The following FAM178B variants were observed in gnomAD, a reference collection of about 807,000 sequenced individuals.
FAM178B encodes the protein protein FAM178B.
In FAM178B, 82 loss-of-function variants were observed where a neutral mutation model predicts 91.7. The observed-to-expected ratio is 0.89, with a 90% CI of 0.75 to 1.07. The LOEUF is 1.07. Ranked by LOEUF, FAM178B falls within the 50% of genes least tolerant of loss-of-function variation. FAM178B has a pLI of 0.00. For synonymous variants in FAM178B, 368 were observed against 359.4 expected (o/e 1.02, Z -0.27); for missense variants, 769 against 846.7 (o/e 0.91, Z 1.14).
intron 12 of FAM178B, among the ~76,000 whole-genome samples, chr2:96,909,533 G>C (rs1211005836): frequency 6.6e-6 from 1 of 152,132 alleles, no homozygotes; most frequent in Non-Finnish European, 1.5e-5. Flanking sequence ...TTGCCATTTT[G>C]GTTTGGGTCC....
chr2:96,974,860 C>T (rs868075780), intron 1 of FAM178B, among the ~76,000 whole-genome samples: 2 of 151,828 alleles, frequency 1.3e-5, no homozygotes, highest in Non-Finnish European at 2.9e-5. Flanking sequence ...GAGGCCGAGG[C>T]GGGCGTTATC....
At chr2:96,930,974 A>C (rs768468176) in intron 8 of FAM178B, among the ~76,000 whole-genome samples, 1 of 152,154 alleles carries the variant, frequency 6.6e-6, no homozygotes, top group Non-Finnish European at 1.5e-5. Context: ...TTGATCTTGG[A>C]CTTCCCAGCC....
intron 8 of FAM178B, among the ~76,000 whole-genome samples, chr2:96,940,424 G>T (rs1267276843): frequency 6.6e-6 from 1 of 152,220 alleles, no homozygotes; most frequent in African/African-American, 2.4e-5. Flanking sequence ...AAGAGAGGCA[G>T]ATCGGGTGGG....
intron 14 of FAM178B, among the ~76,000 whole-genome samples, chr2:96,880,837 G>A (rs911248060): frequency 5.3e-5 from 8 of 152,082 alleles, no homozygotes; most frequent in Non-Finnish European, 1.2e-4. Flanking sequence ...CTTGTGATCC[G>A]CCCGCCTCGG....
chr2:96,893,047 G>A (rs987734378), intron 14 of FAM178B, among the ~76,000 whole-genome samples: 2 of 152,186 alleles, frequency 1.3e-5, no homozygotes, highest in African/African-American at 4.8e-5. Flanking sequence ...GTTCATTTGT[G>A]TTCATTAAGT....
At chr2:96,921,428 G>C in intron 11 of FAM178B, 50 bp downstream of exon 11, 2 of 1,548,224 alleles carry the variant, frequency 1.3e-6, no homozygotes, top group Non-Finnish European at 1.7e-6. Context: ...GGGCCACCTT[G>C]GTCCCTAGTG....
chr2:96,897,190 A>G (rs1161121342), intron 13 of FAM178B, among the ~76,000 whole-genome samples: 1 of 151,940 alleles, frequency 6.6e-6, no homozygotes, highest in Non-Finnish European at 1.5e-5. Flanking sequence ...CTTGCTTTTT[A>G]TCACCTATTC....
chr2:96,898,365 C>T (rs1396580862), intron 13 of FAM178B, among the ~76,000 whole-genome samples: 1 of 152,156 alleles, frequency 6.6e-6, no homozygotes, highest in Non-Finnish European at 1.5e-5. Flanking sequence ...ACTTTAATCT[C>T]AGCTCTAGGC....
At chr2:96,940,372 C>A (rs1031817772) in intron 8 of FAM178B, among the ~76,000 whole-genome samples, 1 of 152,184 alleles carries the variant, frequency 6.6e-6, no homozygotes, top group African/African-American at 2.4e-5. Flanking sequence ...CTGACTGGCT[C>A]GCTTCCCACC....
chr2:96,966,018 T>C (rs1057228544), intron 5 of FAM178B, among the ~76,000 whole-genome samples: 2 of 152,056 alleles, frequency 1.3e-5, no homozygotes, highest in African/African-American at 2.4e-5. Flanking sequence ...TGCCCTGGCC[T>C]CCACACCTAA....
intron 1 of FAM178B, among the ~76,000 whole-genome samples, chr2:96,983,165 C>T (rs1301882990): frequency 1.3e-5 from 2 of 151,762 alleles, no homozygotes; most frequent in Non-Finnish European, 2.9e-5. Context: ...CCATGAGCCA[C>T]CATGCCTGGC....
At chr2:96,936,512 GTTGT>G (rs2081634167) in intron 8 of FAM178B, among the ~76,000 whole-genome samples, 1 of 133,208 alleles carries the variant, frequency 7.5e-6, no homozygotes, top group South Asian at 2.2e-4. Context: ...TTTTTTTTTG[GTTGT>G]TTTTTTTTTT....
chr2:96,895,103 T>C (rs1168913654), intron 13 of FAM178B: 1 of 1,289,518 alleles, frequency 7.8e-7, no homozygotes, highest in South Asian at 1.2e-5. Context: ...CTGGCCTGTG[T>C]CTTCAGCCCC....
intron 12 of FAM178B, among the ~76,000 whole-genome samples, chr2:96,905,024 G>A (rs557235341): frequency 8.6e-5 from 13 of 150,766 alleles, no homozygotes; most frequent in Non-Finnish European, 1.3e-4. Flanking sequence ...GCCTCCCATA[G>A]TGCTGGGATT....
chr2:96,947,188 G>A (rs1401206864), intron 8 of FAM178B, among the ~76,000 whole-genome samples: 1 of 152,142 alleles, frequency 6.6e-6, no homozygotes, highest in Non-Finnish European at 1.5e-5. Context: ...GTCTAGGGAG[G>A]GTGCAGCCAC....
At chr2:96,893,892 G>A (rs1356863819) in intron 14 of FAM178B, 34 bp downstream of exon 14, 9 of 1,601,134 alleles carry the variant, frequency 5.6e-6, no homozygotes, top group Non-Finnish European at 7.7e-6. Context: ...GTGGCACCGT[G>A]GTGGAGGCAG....
intron 9 of FAM178B, among the ~76,000 whole-genome samples, chr2:96,925,515 C>T (rs770685759): frequency 3.9e-5 from 6 of 152,210 alleles, no homozygotes; most frequent in African/African-American, 9.7e-5. Context: ...AGCTGATCCC[C>T]GAAACTCCAC....
intron 14 of FAM178B, among the ~76,000 whole-genome samples, chr2:96,892,479 C>T (rs908750282): frequency 2.0e-5 from 3 of 152,142 alleles, no homozygotes; most frequent in Admixed American, 1.3e-4. Flanking sequence ...TCCAATATGG[C>T]GGCCAACCAG....
Position 96,905,860 on chromosome 2 carries a change from ATTTTTTTTTTTTTT to A in FAM178B, c.1563-3167_1563-3154del, listed in dbSNP as rs1161397180. Among the ~76,000 whole-genome samples, 6 of 23,274 alleles carry A rather than the reference ATTTTTTTTTTTTTT, an allele frequency of 2.6e-4. No individual in the cohort carries two copies. The South Asian group carries it at 7.1e-3, about 27-fold the overall frequency. The allele number at this position is 23,274 out of a possible 152,430, so 15.3% of individuals were successfully genotyped here. A position where few individuals can be genotyped will look rare whatever the true frequency, so the allele number is the denominator to read the frequency against. On this transcript the variant is annotated intron_variant, in intron 12 of 16. Coordinates refer to ENST00000490605, the MANE Select transcript of FAM178B (RefSeq NM_001122646.3). ...TATATATATATATATATATATATAT[ATTTTTTTTTTTTTT>A]TTTTTTTTTTTTTTGAGATGGAGTT...
Sources: gnomAD v4.1 joint callset for allele counts (sites outside exome capture counted in the v4.1 genomes callset) on GRCh38, gnomAD v4.1.1 for gene constraint, MANE v1.5 for transcripts, NCBI Gene and HGNC (gene_info 2026-07-23, HGNC 2026-07-21) for gene names.